ENDOU: variants seen among roughly 807,000 people sequenced by gnomAD.
ENDOU encodes uridylate-specific endoribonuclease.
ENDOU carries 49 observed loss-of-function variants against 54.2 expected under a neutral mutation model. The observed-to-expected ratio is 0.90, with a 90% CI of 0.72 to 1.15. The LOEUF (loss-of-function observed/expected upper bound fraction) is 1.15. Ranked by LOEUF, ENDOU falls within the 50% of genes most tolerant of loss-of-function variation. The probability of loss-of-function intolerance (pLI) is 0.00; values close to 1 mark genes in which losing one functional copy is unlikely to be tolerated. For synonymous variants in ENDOU, 172 were observed against 190.5 expected (o/e 0.90, Z 0.80); for missense variants, 458 against 511.4 (o/e 0.90, Z 1.01).
Position 47,725,461 on chromosome 12 carries a change from A to G in ENDOU, c.-48T>C. On this transcript the variant is annotated 5_prime_UTR_variant, in exon 1 of 10. Coordinates refer to ENST00000422538, the MANE Select transcript of ENDOU (RefSeq NM_001172439.2). The stretch of plus-strand genomic sequence containing the variant: ...AGGGAGTGGCTGTTGGACTTTCACT[A>G]GAGTCAGATGAATGTCACAGCTCTC... 6.4e-7 allele frequency: 1 copy of G among 1,565,838 alleles called. No individual in the cohort carries two copies. The highest frequency in any genetic ancestry group is 8.8e-7 in the Non-Finnish European group (1 of 1,136,908).
intron 1 of ENDOU, among the ~76,000 whole-genome samples, chr12:47,723,734 A>T (rs974535281): frequency 2.6e-5 from 4 of 152,140 alleles, no homozygotes; most frequent in Non-Finnish European, 4.4e-5. Context: ...TGACTGGGAC[A>T]TCCTACACAT....
At chr12:47,722,771 A>T (rs1940474060) in intron 1 of ENDOU, among the ~76,000 whole-genome samples, 1 of 152,224 alleles carries the variant, frequency 6.6e-6, no homozygotes, top group South Asian at 2.1e-4. Context: ...TCAGAGAGGC[A>T]TTGGGTCAAG....
intron 1 of ENDOU, among the ~76,000 whole-genome samples, chr12:47,722,461 G>C (rs1940464846): frequency 6.6e-6 from 1 of 152,190 alleles, no homozygotes; most frequent in Non-Finnish European, 1.5e-5. Flanking sequence ...TAGAATATTT[G>C]TAAGAATTAA....
At chr12:47,724,682 C>G (rs1940531569) in intron 1 of ENDOU, among the ~76,000 whole-genome samples, 1 of 152,068 alleles carries the variant, frequency 6.6e-6, no homozygotes, top group African/African-American at 2.4e-5. Context: ...CCATCAGCAC[C>G]AGCATTTTGC....
intron 5 of ENDOU, 97 bp from the exon 6 acceptor site, chr12:47,716,596 G>A: frequency 8.5e-7 from 1 of 1,177,600 alleles, no homozygotes; most frequent in Non-Finnish European, 1.2e-6. Flanking sequence ...ACAGGCGAGG[G>A]CTGGGTTCAG....
At chr12:47,724,948 C>T (rs1211825448) in intron 1 of ENDOU, among the ~76,000 whole-genome samples, 1 of 152,196 alleles carries the variant, frequency 6.6e-6, no homozygotes, top group African/African-American at 2.4e-5. Context: ...ACAACCTCAC[C>T]TGTCACCAGG....
intron 6 of ENDOU, among the ~76,000 whole-genome samples, chr12:47,714,304 T>A (rs1466970909): frequency 6.6e-6 from 1 of 152,236 alleles, no homozygotes; most frequent in Non-Finnish European, 1.5e-5. Context: ...ACTCTATAGC[T>A]TCTTGGTAGT....
In ENDOU at chr12:47,710,755, T is replaced by C. The variant is rs757664454; in HGVS notation, c.*47A>G. 2 of 1,272,980 alleles carry C rather than the reference T, an allele frequency of 1.6e-6. No individual in the cohort carries two copies. The highest frequency in any genetic ancestry group is 3.4e-5 in the Admixed American group (2 of 59,584). The allele number at this position is 1,272,980 out of a possible 1,614,324, so 78.9% of individuals were successfully genotyped here. A position where few individuals can be genotyped will look rare whatever the true frequency, so the allele number is the denominator to read the frequency against. On this transcript the variant is annotated 3_prime_UTR_variant, in exon 10 of 10. Transcript: ENST00000422538. ...CTCTCTAGTCCAGAGAAGATAGCAC[T>C]TCAGTCTCGCAAGAGCCCTCATGCC...
chr12:47,714,307 T>G (rs955032205), intron 6 of ENDOU, among the ~76,000 whole-genome samples: 1 of 152,236 alleles, frequency 6.6e-6, no homozygotes, highest in African/African-American at 2.4e-5. Context: ...CTATAGCTTC[T>G]TGGTAGTGCA....
intron 5 of ENDOU, 128 bp from the exon 6 acceptor site, chr12:47,716,627 G>T: frequency 1.2e-6 from 1 of 824,650 alleles, no homozygotes. Flanking sequence ...GGCACTTCGG[G>T]TACTCTTGAA....
intron 5 of ENDOU, 131 bp downstream of exon 5, chr12:47,716,759 C>A: frequency 1.1e-6 from 1 of 926,446 alleles, no homozygotes; most frequent in Non-Finnish European, 1.6e-6. Context: ...ATGGCTTTGT[C>A]TCTGGAGAAC....
Position 47,718,133 on chromosome 12 carries a change from G to A in ENDOU, c.240C>T (p.Ala80=), listed in dbSNP as rs1484640569. The A allele has an allele frequency of 1.9e-6, 3 of 1,572,072 alleles. No homozygotes were observed. The South Asian group carries it at 3.5e-5, about 18-fold the overall frequency. ...CCTTTGGGGAGGCAGGCTCACTGCT[G>A]GCGAGGGCCTCTTCTGTCTCTTCCT... ...QLEEETEEAL[A]SNLYSAPTSC... The change falls in exon 3 of 10, where the codon GCC becomes GCT. Residue 80 remains alanine, a synonymous_variant. Coordinates refer to ENST00000422538, the MANE Select transcript of ENDOU (RefSeq NM_001172439.2).
chr12:47,719,783 T>C (rs1369810996), intron 2 of ENDOU: 2 of 152,152 alleles, frequency 1.3e-5, no homozygotes, highest in African/African-American at 4.8e-5. Context: ...GACTAATACA[T>C]ATGGTGTTTT....
rs546813733 is a variant in ENDOU, at chr12:47,716,556, T to C, written c.552-57A>G. The stretch of plus-strand genomic sequence containing the variant: ...GCCCCAAACACAGGGCAGCGACCCC[T>C]CCAGAGACTTCTAGACAGGCCAGGG... On this transcript the variant is annotated intron_variant, in intron 5 of 9. Coordinates refer to ENST00000422538, the MANE Select transcript of ENDOU (RefSeq NM_001172439.2). 3.9e-4 allele frequency: 597 copies of C among 1,533,364 alleles called. 4 individuals are homozygous for C. In the Admixed American group the frequency reaches 0.01, roughly 26 times the overall value. 95.0% of individuals were successfully genotyped at this position (1,533,364 alleles called of 1,614,324 possible). A position where few individuals can be genotyped will look rare whatever the true frequency, so the allele number is the denominator to read the frequency against.
At chr12:47,725,233 CT>C in intron 1 of ENDOU, 125 bp downstream of exon 1, 1 of 1,064,140 alleles carries the variant, frequency 9.4e-7, no homozygotes, top group Non-Finnish European at 1.4e-6. Context: ...TGCTCTGCGG[CT>C]TTAGGACAGA....
intron 3 of ENDOU, 61 bp from the exon 4 acceptor site, chr12:47,717,716 C>T: frequency 6.4e-7 from 1 of 1,563,164 alleles, no homozygotes; most frequent in Admixed American, 1.8e-5. Context: ...GAACGCCCCA[C>T]AGGCTGTCGC....
intron 1 of ENDOU, among the ~76,000 whole-genome samples, chr12:47,722,243 A>G (rs979726879): frequency 6.6e-6 from 1 of 152,142 alleles, no homozygotes; most frequent in Non-Finnish European, 1.5e-5. Flanking sequence ...AGTCCCTAGT[A>G]TTGGATTCTG....
At chr12:47,711,903 G>A in intron 8 of ENDOU, 128 bp from the exon 9 acceptor site, 1 of 1,021,554 alleles carries the variant, frequency 9.8e-7, no homozygotes, top group Non-Finnish European at 1.4e-6. Context: ...ACCTTCCAGG[G>A]AGACTGGATT....
intron 8 of ENDOU, 100 bp downstream of exon 8, chr12:47,712,416 C>G: frequency 1.2e-6 from 1 of 868,234 alleles, no homozygotes; most frequent in Non-Finnish European, 1.8e-6. Context: ...CTGGGGCTGC[C>G]CCCTGAGAGT....
Sources: allele counts gnomAD v4.1 joint callset (sites outside exome capture counted in the v4.1 genomes callset), GRCh38; gene constraint gnomAD v4.1.1; transcripts MANE v1.5; gene names NCBI Gene and HGNC (gene_info 2026-07-23, HGNC 2026-07-21).